The following GAD2 variants were observed in gnomAD, a reference collection of about 807,000 sequenced individuals.
The protein encoded by GAD2 is 65 kDa glutamic acid decarboxylase.
A neutral mutation model predicts 80.1 loss-of-function variants in GAD2; 22 were observed. That is an observed-to-expected ratio of 0.27 (90% CI 0.20 to 0.39). The LOEUF is 0.39. Ranked by LOEUF, GAD2 falls within the 10% of genes least tolerant of loss-of-function variation. GAD2 has a pLI of 1.00. For missense variants in GAD2, 624 were observed against 738.4 expected (o/e 0.85, Z 1.80); for synonymous variants, 274 against 256.9 (o/e 1.07, Z -0.64).
At chr10:26,300,411 G>A (rs1244587487) in intron 15 of GAD2, among the ~76,000 whole-genome samples, 2 of 152,038 alleles carry the variant, frequency 1.3e-5, no homozygotes, top group East Asian at 3.9e-4. Context: ...ACAATCCTCT[G>A]AACTGTTTAT....
At chr10:26,258,503 A>G (rs1364307640) in intron 8 of GAD2, among the ~76,000 whole-genome samples, 3 of 152,198 alleles carry the variant, frequency 2.0e-5, no homozygotes, top group African/African-American at 2.4e-5. Context: ...ACATTGCAAA[A>G]TTGAAATTCC....
rs141052613 is a variant in GAD2, at chr10:26,259,106, C to A, written c.921-10013C>A. ...GTGCTGGGATTACAGGCGTGAGCCA[C>A]TGTGCCCAGCCTTACTTCCACCATT... On this transcript the variant is annotated intron_variant, in intron 8 of 15. Transcript: ENST00000376261. 3.4e-3 allele frequency among the ~76,000 whole-genome samples: 512 copies of A among 152,326 alleles called. 2 individuals carry two copies. Among genetic ancestry groups the A allele is most frequent in the African/African-American group, 0.012 (497 of 41,576 alleles).
At chr10:26,288,612 T>A (rs1834175288) in intron 13 of GAD2, among the ~76,000 whole-genome samples, 1 of 152,218 alleles carries the variant, frequency 6.6e-6, no homozygotes, top group Non-Finnish European at 1.5e-5. Context: ...TTGGTGGGAA[T>A]TACAAAATGA....
intron 13 of GAD2, among the ~76,000 whole-genome samples, 198 bp from the exon 14 acceptor site, chr10:26,292,267 T>C (rs1192132987): frequency 2.6e-5 from 4 of 151,990 alleles, no homozygotes; most frequent in Non-Finnish European, 5.9e-5. Flanking sequence ...AAAGCAGTAA[T>C]GAAAGGGAAC....
At position 26,286,566 on chromosome 10, in the gene GAD2, T is replaced by G. The variant is rs1845335886; in HGVS notation, c.1386+72T>G. On this transcript the variant is annotated intron_variant, in intron 13 of 15. Coordinates refer to ENST00000376261, the MANE Select transcript of GAD2 (RefSeq NM_001134366.2). ...TATCTGGTGACCCCATTATGAAATG[T>G]CAAAAAAGTGATTTCCAAATTGAAA... 2.9e-6 allele frequency: 4 copies of G among 1,402,946 alleles called. No homozygotes were observed. The East Asian group carries it at 1.1e-4, about 37-fold the overall frequency. The allele number at this position is 1,402,946 out of a possible 1,614,324, so 86.9% of individuals were successfully genotyped here. A position where few individuals can be genotyped will look rare whatever the true frequency, so the allele number is the denominator to read the frequency against.
chr10:26,279,783 A>T (rs919293683), intron 11 of GAD2, among the ~76,000 whole-genome samples: 6 of 152,178 alleles, frequency 3.9e-5, no homozygotes, highest in Non-Finnish European at 7.3e-5. Context: ...GGCATGAGGC[A>T]AAAAAAGATG....
chr10:26,254,298 A>C (rs1469846286), intron 8 of GAD2, among the ~76,000 whole-genome samples: 2 of 152,206 alleles, frequency 1.3e-5, no homozygotes, highest in Non-Finnish European at 2.9e-5. Context: ...CGACCTCCCA[A>C]AACATTAGTT....
rs1844806484 is a variant in GAD2 at position 26,246,144 on chromosome 10, A to G, written c.920+144A>G. 4.6e-5 allele frequency: 29 copies of G among 629,714 alleles called. No individual in the cohort carries two copies. The South Asian group carries it at 5.5e-4, about 12-fold the overall frequency. The allele number at this position is 629,714 out of a possible 1,614,324, so 39.0% of individuals were successfully genotyped here. A position where few individuals can be genotyped will look rare whatever the true frequency, so the allele number is the denominator to read the frequency against. On this transcript the variant is annotated intron_variant, in intron 8 of 15. Coordinates refer to ENST00000376261, the MANE Select transcript of GAD2 (RefSeq NM_001134366.2). ...TCTGCAGCCTTCGTTTCTTTTTAAC[A>G]TGGGCTCCTGCTTCTGTTGCTCAGA...
rs1844384361 is a variant in GAD2 at position 26,217,215 on chromosome 10, G to A, written c.76+330G>A. 6.6e-6 allele frequency among the ~76,000 whole-genome samples: 1 copy of A among 151,612 alleles called. No individual in the cohort carries two copies. The highest frequency in any genetic ancestry group is 2.1e-4 in the South Asian group (1 of 4,804). On this transcript the variant is annotated intron_variant, in intron 1 of 15. Transcript: ENST00000376261. The surrounding 1 kb of genome is among the most constrained non-coding windows in gnomAD (Gnocchi z 4.9). ...TGTCTGGACCCTGGGGTGGGACGGA[G>A]TGACCGTGAAGATAGAAAAAAAAAA...
chr10:26,296,211 C>T (rs75469723), intron 15 of GAD2, among the ~76,000 whole-genome samples: 10,497 of 152,198 alleles, frequency 0.069, 450 homozygotes, highest in Non-Finnish European at 0.098. Flanking sequence ...CTGAACTAAT[C>T]ACCTACCAAA....
At chr10:26,239,226 G>C (rs1296865749) in intron 7 of GAD2, among the ~76,000 whole-genome samples, 1 of 152,190 alleles carries the variant, frequency 6.6e-6, no homozygotes, top group Admixed American at 6.5e-5. Context: ...GAAGAGTTAA[G>C]AGCTAAGATT....
chr10:26,264,312 CTT>C (rs373732623), intron 8 of GAD2, among the ~76,000 whole-genome samples: 99 of 129,678 alleles, frequency 7.6e-4, no homozygotes, highest in Admixed American at 1.0e-3. Context: ...AGATTTCAAG[CTT>C]TTTTTTTTTT....
intron 9 of GAD2, 52 bp downstream of exon 9, chr10:26,269,225 C>T (rs1447337125): frequency 2.6e-5 from 37 of 1,428,866 alleles, no homozygotes; most frequent in Middle Eastern, 1.8e-4. Context: ...TTCCATCCAC[C>T]GGAGAACAAA....
rs1042521401 is a variant in GAD2 at position 26,303,818 on chromosome 10, C to T, written c.*2857C>T. The T allele has an allele frequency of 1.3e-5, 2 of 152,148 alleles. No homozygotes were observed. Among genetic ancestry groups the T allele is most frequent in the South Asian group, 2.1e-4 (1 of 4,816 alleles). 9.4% of individuals were successfully genotyped at this position (152,148 alleles called of 1,614,324 possible). A position where few individuals can be genotyped will look rare whatever the true frequency, so the allele number is the denominator to read the frequency against. On this transcript the variant is annotated 3_prime_UTR_variant, in exon 16 of 16. Transcript: ENST00000376261. ...TTATCTGGATAATACTGTCTTGTCA[C>T]CTCAGATTGGGGTTGTGCACTTTAG...
intron 8 of GAD2, among the ~76,000 whole-genome samples, chr10:26,268,337 G>A (rs1438589852): frequency 2.0e-5 from 3 of 152,114 alleles, no homozygotes; most frequent in Non-Finnish European, 2.9e-5. Context: ...GCATGGTGGC[G>A]GGCGCCTGTA....
In GAD2 at chr10:26,259,874, A is replaced by G. The variant is rs8190691; in HGVS notation, c.921-9245A>G. Reference sequence around the variant, plus strand: ...TAGATCTCTGATGTATTTTGAGTTAATTTGTATTTTGTTGTATAAGAGATG... The same window carrying G: ...TAGATCTCTGATGTATTTTGAGTTAGTTTGTATTTTGTTGTATAAGAGATG... On this transcript the variant is annotated intron_variant, in intron 8 of 15. Coordinates refer to ENST00000376261, the MANE Select transcript of GAD2 (RefSeq NM_001134366.2). Among the ~76,000 whole-genome samples the G allele has an allele frequency of 1.1e-4, 17 of 152,240 alleles. No homozygotes were observed. In the East Asian group the frequency reaches 3.1e-3, roughly 28 times the overall value.
Position 26,217,952 on chromosome 10 carries a change from T to A in GAD2, c.247T>A (p.Ser83Thr). Residue 83 changes from serine to threonine, a missense_variant, in exon 3 of 16, where the codon TCC (serine) becomes ACC (threonine). By Grantham distance (58) the Ser-to-Thr change is moderately conservative. Coordinates refer to ENST00000376261, the MANE Select transcript of GAD2 (RefSeq NM_001134366.2). The surrounding 1 kb of genome is among the most constrained non-coding windows in gnomAD (Gnocchi z 4.9). The part of the protein sequence containing the change: ...CACDQKPCSC[S>T]KVDVNYAFLH... ...CTGCGACCAGAAGCCCTGCAGCTGCTCCAAAGTGGATGTCAACTACGCGTT... is the reference window on the plus strand; with the variant it reads ...CTGCGACCAGAAGCCCTGCAGCTGCACCAAAGTGGATGTCAACTACGCGTT... 2 of 1,611,604 alleles carry A rather than the reference T, an allele frequency of 1.2e-6. No individual in the cohort carries two copies. The highest frequency in any genetic ancestry group is 1.7e-6 in the Non-Finnish European group (2 of 1,179,094).
chr10:26,281,869 C>T (rs890553292), intron 12 of GAD2, among the ~76,000 whole-genome samples: 14 of 152,128 alleles, frequency 9.2e-5, no homozygotes, highest in African/African-American at 3.4e-4. Flanking sequence ...CAGATGATCC[C>T]CATTCAATTT....
rs753672032 is a variant in GAD2 at position 26,217,813 on chromosome 10, C to G, written c.137-29C>G. ...GGAGCCGGGCCCGGCGGAGGATTGA[C>G]GAGGCCCGCGTTCGGTGTCCTTACC... On this transcript the variant is annotated intron_variant, in intron 2 of 15. Coordinates refer to ENST00000376261, the MANE Select transcript of GAD2 (RefSeq NM_001134366.2). The surrounding 1 kb of genome is among the most constrained non-coding windows in gnomAD (Gnocchi z 4.9). 6.3e-7 allele frequency: 1 copy of G among 1,586,558 alleles called. No homozygotes were observed. Among genetic ancestry groups the G allele is most frequent in the Non-Finnish European group, 8.6e-7 (1 of 1,165,850 alleles).
Sources: allele counts gnomAD v4.1 joint callset (sites outside exome capture counted in the v4.1 genomes callset), GRCh38; gene constraint gnomAD v4.1.1; non-coding constraint Gnocchi (gnomAD v3.1); transcripts MANE v1.5; gene names NCBI Gene and HGNC (gene_info 2026-07-23, HGNC 2026-07-21).